Variants in PRKG1 observed in about 807,000 individuals in gnomAD.
PRKG1 encodes the protein protein kinase cGMP-dependent 1.
Under a neutral mutation model 88.1 loss-of-function variants are expected in PRKG1, and 35 were observed. The ratio of observed to expected loss-of-function variants is 0.40; its 90% confidence interval spans 0.30 to 0.53. The LOEUF is 0.53. Ranked by LOEUF, PRKG1 falls within the 20% of genes least tolerant of loss-of-function variation. PRKG1 has a pLI of 0.59. For synonymous variants in PRKG1, 303 were observed against 292.5 expected (o/e 1.04, Z -0.37); for missense variants, 540 against 839.8 (o/e 0.64, Z 4.41).
chr10:51,389,255 T>C lies in PRKG1; in HGVS notation c.479-78468T>C, dbSNP rs147802246. On this transcript the variant is annotated intron_variant, in intron 2 of 17. Transcript: ENST00000373980. ...TACAGCTTTGCTTCCGTTATGCAAG[T>C]GGCCTTTTAATCTTATGCAAAGACA... 3.8e-4 allele frequency among the ~76,000 whole-genome samples: 58 copies of C among 152,356 alleles called. No individual in the cohort carries two copies. The East Asian group carries it at 0.011, about 28-fold the overall frequency.
chr10:51,497,076 G>C (rs1840879693), intron 3 of PRKG1, among the ~76,000 whole-genome samples: 1 of 152,122 alleles, frequency 6.6e-6, no homozygotes, highest in Non-Finnish European at 1.5e-5. Context: ...ATTTGAATGA[G>C]AGCTCTGAGT....
intron 1 of PRKG1, among the ~76,000 whole-genome samples, chr10:51,129,506 A>C (rs1179846894): frequency 3.3e-5 from 5 of 152,162 alleles, no homozygotes; most frequent in Non-Finnish European, 7.4e-5. Context: ...GAATATTTCC[A>C]ACTATCTGCC....
chr10:51,662,784 T>C (rs1361765294), intron 3 of PRKG1, among the ~76,000 whole-genome samples: 1 of 152,126 alleles, frequency 6.6e-6, no homozygotes, highest in Non-Finnish European at 1.5e-5. Flanking sequence ...CCTTAAAAGA[T>C]TGAAGACTGA....
intron 3 of PRKG1, among the ~76,000 whole-genome samples, chr10:51,630,444 T>A (rs1839494474): frequency 6.6e-6 from 1 of 152,164 alleles, no homozygotes; most frequent in African/African-American, 2.4e-5. Context: ...CAACCAGTCA[T>A]GGCAGCTGCT....
chr10:51,663,612 G>C (rs1840351679), intron 3 of PRKG1, among the ~76,000 whole-genome samples: 1 of 151,188 alleles, frequency 6.6e-6, no homozygotes, highest in South Asian at 2.1e-4. Flanking sequence ...ACCTACTCTG[G>C]AGGCTGAGGT....
intron 3 of PRKG1, among the ~76,000 whole-genome samples, chr10:51,593,853 T>G (rs1397489877): frequency 6.6e-6 from 1 of 151,962 alleles, no homozygotes; most frequent in Non-Finnish European, 1.5e-5. Flanking sequence ...TCCTCCAGAG[T>G]AGCTGGGATT....
Position 51,093,122 on chromosome 10 carries a change from C to A in PRKG1, c.311+18221C>A, listed in dbSNP as rs1314357176. 3.9e-5 allele frequency among the ~76,000 whole-genome samples: 6 copies of A among 152,064 alleles called. No homozygotes were observed. In the South Asian group the frequency reaches 6.2e-4, roughly 16 times the overall value. Reference sequence around the variant, plus strand: ...GAGCAAAACCTAAAAGATATAGAGACCCTGCGGTTCTCAAAGTGTGAGCCC... The same window carrying A: ...GAGCAAAACCTAAAAGATATAGAGAACCTGCGGTTCTCAAAGTGTGAGCCC... On this transcript the variant is annotated intron_variant, in intron 1 of 17. Coordinates refer to ENST00000373980, the MANE Select transcript of PRKG1 (RefSeq NM_006258.4).
At position 51,971,604 on chromosome 10, in the gene PRKG1, A is replaced by G. The variant is rs80336562; in HGVS notation, c.762+64034A>G. On this transcript the variant is annotated intron_variant, in intron 5 of 17. Transcript: ENST00000373980. ...TCACTGTCTTTACAGCTATATGAGT[A>G]ATTACTTCAGTCTACTGTTGATAAA... Among the ~76,000 whole-genome samples, 1,200 of 152,212 alleles carry G rather than the reference A, an allele frequency of 7.9e-3. 21 individuals carry two copies. The highest frequency in any genetic ancestry group is 0.028 in the African/African-American group (1,145 of 41,556).
intron 7 of PRKG1, among the ~76,000 whole-genome samples, chr10:52,098,231 T>C (rs369683520): frequency 2.6e-5 from 4 of 152,212 alleles, no homozygotes; most frequent in East Asian, 3.8e-4. Flanking sequence ...ACAAAAATAA[T>C]ACATTTTGAT....
chr10:51,220,628 G>A (rs1564643783), intron 2 of PRKG1, among the ~76,000 whole-genome samples: 1 of 152,054 alleles, frequency 6.6e-6, no homozygotes, highest in Non-Finnish European at 1.5e-5. Context: ...TGGATCAACA[G>A]CATTTTATTC....
chr10:51,377,433 C>G (rs1842839658), intron 2 of PRKG1, among the ~76,000 whole-genome samples: 3 of 152,202 alleles, frequency 2.0e-5, no homozygotes, highest in Non-Finnish European at 2.9e-5. Context: ...TAGATCAGAA[C>G]TTGTTGAACT....
intron 3 of PRKG1, among the ~76,000 whole-genome samples, chr10:51,574,612 G>C (rs984574336): frequency 6.6e-6 from 1 of 151,922 alleles, no homozygotes; most frequent in African/African-American, 2.4e-5. Context: ...CAGTGTTACT[G>C]TTAGCTAGTT....
At chr10:51,155,671 T>G (rs147272294) in intron 2 of PRKG1, among the ~76,000 whole-genome samples, 3 of 152,114 alleles carry the variant, frequency 2.0e-5, no homozygotes, top group African/African-American at 7.2e-5. Flanking sequence ...TTTATGTGAT[T>G]GTGGAGGCTG....
intron 14 of PRKG1, among the ~76,000 whole-genome samples, chr10:52,285,261 A>G (rs1482559195): frequency 6.6e-6 from 1 of 152,112 alleles, no homozygotes; most frequent in Non-Finnish European, 1.5e-5. Context: ...TTCCAGTCAC[A>G]TGGCATTCCT....
At chr10:51,979,894 G>C (rs2454559) in intron 5 of PRKG1, among the ~76,000 whole-genome samples, 48,127 of 151,590 alleles carry the variant, frequency 0.32, 8,160 homozygotes, top group Admixed American at 0.39. Context: ...TTTTTTATTA[G>C]TCTAGCTAGC....
At chr10:51,555,308 T>C (rs1837282256) in intron 3 of PRKG1, among the ~76,000 whole-genome samples, 1 of 151,960 alleles carries the variant, frequency 6.6e-6, no homozygotes, top group Non-Finnish European at 1.5e-5. Flanking sequence ...CATTCCTATT[T>C]TTAAAACATT....
intron 9 of PRKG1, among the ~76,000 whole-genome samples, chr10:52,169,000 G>A (rs979579462): frequency 2.6e-5 from 4 of 152,118 alleles, no homozygotes; most frequent in Non-Finnish European, 4.4e-5. Flanking sequence ...TGAGAATAAC[G>A]AACATTTCGA....
At position 52,263,030 on chromosome 10, in the gene PRKG1, A is replaced by G. The variant is rs529012840; in HGVS notation, c.1174-8320A>G. ...CAGATGCAGAAAGCTGACTGTACCT[A>G]TTATTTTGACAAGATAAGTTTTAAA... On this transcript the variant is annotated intron_variant, in intron 10 of 17. Coordinates refer to ENST00000373980, the MANE Select transcript of PRKG1 (RefSeq NM_006258.4). 2.3e-4 allele frequency among the ~76,000 whole-genome samples: 35 copies of G among 152,246 alleles called. 2 individuals carry two copies. In the South Asian group the frequency reaches 6.8e-3, roughly 30 times the overall value.
chr10:52,063,266 C>T (rs111712196), intron 7 of PRKG1, among the ~76,000 whole-genome samples: 30 of 152,308 alleles, frequency 2.0e-4, no homozygotes, highest in African/African-American at 5.3e-4. Flanking sequence ...TGGCTGCTGC[C>T]GTGAGGTGGG....
Sources: allele counts gnomAD v4.1 joint callset (sites outside exome capture counted in the v4.1 genomes callset), GRCh38; gene constraint gnomAD v4.1.1; transcripts MANE v1.5; gene names NCBI Gene and HGNC (gene_info 2026-07-23, HGNC 2026-07-21).